SOCS5: variants seen among roughly 807,000 people sequenced by gnomAD.
SOCS5 encodes the protein suppressor of cytokine signaling 5.
In SOCS5, 32 loss-of-function variants were observed where a neutral mutation model predicts 42.8. That is an observed-to-expected ratio of 0.75 (90% CI 0.56 to 1.01). SOCS5 has a LOEUF of 1.01. SOCS5 is among the 50% of genes least tolerant of loss of function. SOCS5 has a pLI of 0.00. For missense variants in SOCS5, 627 were observed against 653.0 expected (o/e 0.96, Z 0.43); for synonymous variants, 283 against 229.6 (o/e 1.23, Z -2.10).
intron 1 of SOCS5, among the ~76,000 whole-genome samples, chr2:46,716,743 TG>T (rs1238203987): frequency 6.6e-6 from 1 of 152,224 alleles, no homozygotes; most frequent in African/African-American, 2.4e-5. Flanking sequence ...CCCCAAATGC[TG>T]GGATTACAGG....
chr2:46,743,665 A>T (rs1311232136), intron 1 of SOCS5, among the ~76,000 whole-genome samples: 1 of 152,164 alleles, frequency 6.6e-6, no homozygotes, highest in Non-Finnish European at 1.5e-5. Flanking sequence ...TCTCAGCCTC[A>T]TTTTACCCAA....
At chr2:46,742,454 T>C (rs1376871455) in intron 1 of SOCS5, among the ~76,000 whole-genome samples, 2 of 151,948 alleles carry the variant, frequency 1.3e-5, no homozygotes, top group Non-Finnish European at 2.9e-5. Flanking sequence ...GACAACATTG[T>C]CATGTATCAT....
chr2:46,719,895 C>G (rs943561552), intron 1 of SOCS5, among the ~76,000 whole-genome samples: 1 of 152,102 alleles, frequency 6.6e-6, no homozygotes, highest in Non-Finnish European at 1.5e-5. Flanking sequence ...TCAGTTTGGT[C>G]AGGGCACTGA....
At chr2:46,756,806 G>A (rs568107329) in intron 1 of SOCS5, among the ~76,000 whole-genome samples, 55 of 152,264 alleles carry the variant, frequency 3.6e-4, no homozygotes, top group African/African-American at 1.2e-3. Context: ...AGGACTATGG[G>A]CAAGGAACGG....
At chr2:46,752,238 T>C (rs935602022) in intron 1 of SOCS5, among the ~76,000 whole-genome samples, 2 of 151,950 alleles carry the variant, frequency 1.3e-5, no homozygotes, top group Non-Finnish European at 2.9e-5. Context: ...CAGCATTAGA[T>C]GCTCATAGGA....
chr2:46,759,670 C>A lies in SOCS5; in HGVS notation c.1140C>A (p.Pro380=), dbSNP rs41449044. The change falls in exon 2 of 2, where the codon CCC becomes CCA. Residue 380 remains proline, a synonymous_variant. Coordinates refer to ENST00000394861, the MANE Select transcript of SOCS5 (RefSeq NM_144949.3). ...ATTTGCTTCAAATTACAGGGAATCCCTGTTACTGGGGAGTGATGGACCGTT... is the reference window on the plus strand; with the variant it reads ...ATTTGCTTCAAATTACAGGGAATCCATGTTACTGGGGAGTGATGGACCGTT... ...VPDLLQITGN[P]CYWGVMDRYE... 2,366 of 1,614,074 alleles carry A rather than the reference C, an allele frequency of 1.5e-3. 41 individuals carry two copies. The African/African-American group carries it at 0.028, about 19-fold the overall frequency.
rs184408725 is a variant in SOCS5 at position 46,704,829 on chromosome 2, A to C, written c.-13+5380A>C. On this transcript the variant is annotated intron_variant, in intron 1 of 1. Transcript: ENST00000394861. ...CACCTGGGCATATGTTAATGAGGCT[A>C]TTTTTGGAAAGTCCCTAGGTAAGCA... 1.4e-4 allele frequency among the ~76,000 whole-genome samples: 21 copies of C among 152,300 alleles called. No homozygotes were observed. In the East Asian group the frequency reaches 2.7e-3, roughly 20 times the overall value.
chr2:46,705,951 T>A (rs1228591100), intron 1 of SOCS5, among the ~76,000 whole-genome samples: 1 of 152,148 alleles, frequency 6.6e-6, no homozygotes, highest in East Asian at 1.9e-4. Flanking sequence ...TTCCAAATTA[T>A]ATTTATAGGA....
At chr2:46,741,090 C>G (rs1007385931) in intron 1 of SOCS5, among the ~76,000 whole-genome samples, 5 of 152,102 alleles carry the variant, frequency 3.3e-5, no homozygotes, top group Non-Finnish European at 7.3e-5. Flanking sequence ...CCCTGTAACC[C>G]ACCATTTATT....
At chr2:46,746,464 A>G (rs1225536624) in intron 1 of SOCS5, among the ~76,000 whole-genome samples, 1 of 152,104 alleles carries the variant, frequency 6.6e-6, no homozygotes, top group Non-Finnish European at 1.5e-5. Context: ...ATCCTGGCTA[A>G]CACGGTGAAA....
intron 1 of SOCS5, among the ~76,000 whole-genome samples, chr2:46,740,752 G>T (rs1311107388): frequency 1.3e-5 from 2 of 151,896 alleles, no homozygotes; most frequent in African/African-American, 4.9e-5. Context: ...TGCTCCTCTT[G>T]CTGCTTCCTA....
chr2:46,726,551 G>A (rs72802444), intron 1 of SOCS5, among the ~76,000 whole-genome samples: 7,314 of 152,010 alleles, frequency 0.048, 257 homozygotes, highest in Non-Finnish European at 0.08. Flanking sequence ...CCAGTGACAC[G>A]AATGTCAGAC....
At chr2:46,726,721 A>G (rs970141337) in intron 1 of SOCS5, among the ~76,000 whole-genome samples, 2 of 145,226 alleles carry the variant, frequency 1.4e-5, no homozygotes, top group African/African-American at 5.2e-5. Flanking sequence ...TTTCAGTTAC[A>G]GTATTTTTCA....
chr2:46,739,624 G>A (rs1291627212), intron 1 of SOCS5, among the ~76,000 whole-genome samples: 2 of 152,034 alleles, frequency 1.3e-5, no homozygotes, highest in African/African-American at 4.8e-5. Context: ...CCCTTTCCCA[G>A]TCATACTCCA....
chr2:46,744,812 G>A (rs1343651679), intron 1 of SOCS5, among the ~76,000 whole-genome samples: 1 of 151,758 alleles, frequency 6.6e-6, no homozygotes, highest in East Asian at 1.9e-4. Context: ...ACATGCGTGA[G>A]CCACCGCGCC....
chr2:46,742,895 A>C (rs947668974), intron 1 of SOCS5, among the ~76,000 whole-genome samples: 5 of 152,036 alleles, frequency 3.3e-5, no homozygotes, highest in Non-Finnish European at 7.4e-5. Flanking sequence ...AGAACTCCTG[A>C]CCTTGTGACC....
chr2:46,739,022 A>G (rs911910238), intron 1 of SOCS5, among the ~76,000 whole-genome samples: 2 of 152,238 alleles, frequency 1.3e-5, no homozygotes, highest in African/African-American at 2.4e-5. Flanking sequence ...TTATTGAACT[A>G]TTTAACACGT....
chr2:46,759,881 A>G lies in SOCS5; in HGVS notation c.1351A>G (p.Thr451Ala). ...AHDPCVFHSS[T>A]VTGLLEHYKD... ...TGACCCGTGTGTATTTCACTCCTCC[A>G]CTGTAACGGGACTTTTAGAACATTA... Residue 451 changes from threonine to alanine, a missense_variant, in exon 2 of 2, where the codon ACT becomes GCT. Thr to Ala is a moderately conservative substitution (Grantham distance 58, BLOSUM62 0). Around this residue, in one of 3 missense-constraint regions of SOCS5, gnomAD observed 340 missense variants for 367.6 expected, o/e 0.92. Coordinates refer to ENST00000394861, the MANE Select transcript of SOCS5 (RefSeq NM_144949.3). 1.2e-6 allele frequency: 2 copies of G among 1,614,168 alleles called. No homozygotes were observed. Among genetic ancestry groups the G allele is most frequent in the Non-Finnish European group, 1.7e-6 (2 of 1,180,008 alleles).
chr2:46,719,814 G>A (rs1413824936), intron 1 of SOCS5, among the ~76,000 whole-genome samples: 1 of 152,132 alleles, frequency 6.6e-6, no homozygotes, highest in Non-Finnish European at 1.5e-5. Flanking sequence ...ATTCATACCA[G>A]ACCTGAAAGA....
Sources: allele counts gnomAD v4.1 joint callset (sites outside exome capture counted in the v4.1 genomes callset), GRCh38; gene constraint gnomAD v4.1.1; regional missense constraint gnomAD v4.1.1; transcripts MANE v1.5; gene names NCBI Gene and HGNC (gene_info 2026-07-23, HGNC 2026-07-21).